The following SMYD3 variants were observed in gnomAD, a reference collection of about 807,000 sequenced individuals.
SMYD3 encodes the protein histone-lysine N-methyltransferase SMYD3.
SMYD3 carries 36 observed loss-of-function variants against 57.7 expected under a neutral mutation model. The ratio of observed to expected loss-of-function variants is 0.62; its 90% CI spans 0.48 to 0.82. The LOEUF (loss-of-function observed/expected upper bound fraction) is 0.82, where lower values mean the gene tolerates loss of function less well. Among genes scored for constraint, SMYD3 ranks in the 40% least tolerant of loss-of-function variants. The pLI, the probability that SMYD3 is intolerant of heterozygous loss-of-function variation, is 0.00. For synonymous variants in SMYD3, 211 were observed against 195.0 expected (o/e 1.08, Z -0.68); for missense variants, 515 against 538.8 (o/e 0.96, Z 0.44).
intron 5 of SMYD3, among the ~76,000 whole-genome samples, chr1:246,222,324 C>T (rs12120256): frequency 0.18 from 27,015 of 152,016 alleles, 2,788 homozygotes; most frequent in East Asian, 0.34. Context: ...GGTATTATTA[C>T]GGACTTTATT....
intron 1 of SMYD3, among the ~76,000 whole-genome samples, chr1:246,429,779 T>C (rs2067273032): frequency 6.6e-6 from 1 of 152,000 alleles, no homozygotes; most frequent in Admixed American, 6.6e-5. Context: ...CTCAAGGATA[T>C]GACTGGCAAG....
chr1:246,359,767 AT>A (rs1373983553), intron 1 of SMYD3, among the ~76,000 whole-genome samples: 1 of 152,204 alleles, frequency 6.6e-6, no homozygotes, highest in Non-Finnish European at 1.5e-5. Flanking sequence ...GCATTCCTTT[AT>A]GATTAAAACC....
intron 5 of SMYD3, among the ~76,000 whole-genome samples, chr1:246,151,796 G>A (rs180707436): frequency 4.6e-4 from 70 of 152,274 alleles, no homozygotes; most frequent in Non-Finnish European, 6.8e-4. Context: ...GGATTCAGGC[G>A]TATGTAGGCC....
At chr1:246,236,446 A>G (rs10802363) in intron 5 of SMYD3, among the ~76,000 whole-genome samples, 40,389 of 151,490 alleles carry the variant, frequency 0.27, 6,042 homozygotes, top group East Asian at 0.58. Context: ...ATGGAGTCTC[A>G]CTCTGTCGCC....
At chr1:246,120,436 G>A (rs974251946) in intron 5 of SMYD3, among the ~76,000 whole-genome samples, 1 of 151,992 alleles carries the variant, frequency 6.6e-6, no homozygotes, top group East Asian at 1.9e-4. Flanking sequence ...CTCAAGGGTC[G>A]CTTCCCGTAT....
At chr1:245,752,343 G>GC (rs1242421356) in intron 11 of SMYD3, among the ~76,000 whole-genome samples, 2 of 152,180 alleles carry the variant, frequency 1.3e-5, no homozygotes, top group Non-Finnish European at 2.9e-5. Context: ...CCCTCGGCTG[G>GC]GTGAGGGCCT....
chr1:246,001,002 TAAG>T (rs1323358674), intron 5 of SMYD3, among the ~76,000 whole-genome samples: 1 of 152,216 alleles, frequency 6.6e-6, no homozygotes, highest in Non-Finnish European at 1.5e-5. Flanking sequence ...TCTGTGATGG[TAAG>T]AAGAAGCCCA....
intron 5 of SMYD3, among the ~76,000 whole-genome samples, chr1:246,017,944 T>C (rs1371758255): frequency 6.6e-6 from 1 of 152,228 alleles, no homozygotes; most frequent in East Asian, 1.9e-4. Context: ...TCCTCATCTT[T>C]GGACATTTCC....
At chr1:246,393,288 A>C (rs1160146955) in intron 1 of SMYD3, among the ~76,000 whole-genome samples, 3 of 152,222 alleles carry the variant, frequency 2.0e-5, no homozygotes, top group African/African-American at 4.8e-5. Flanking sequence ...AAACTAACTT[A>C]AAAAATGTTT....
At chr1:245,852,434 A>G (rs1477978493) in intron 10 of SMYD3, among the ~76,000 whole-genome samples, 2 of 152,362 alleles carry the variant, frequency 1.3e-5, no homozygotes, top group African/African-American at 4.8e-5. Context: ...AAGTCAAGGT[A>G]CTTTAGAGGA....
chr1:245,844,890 G>T (rs904873858), intron 10 of SMYD3, among the ~76,000 whole-genome samples: 7 of 152,032 alleles, frequency 4.6e-5, no homozygotes, highest in African/African-American at 1.7e-4. Flanking sequence ...GGACCCATTT[G>T]AAGTTATATT....
intron 5 of SMYD3, among the ~76,000 whole-genome samples, chr1:246,071,995 C>G (rs558886471): frequency 3.5e-5 from 3 of 86,110 alleles, no homozygotes; most frequent in African/African-American, 1.3e-4. Flanking sequence ...ACTGTGCTCA[C>G]TGTGGATGCA....
chr1:245,945,836 A>G (rs2057411823), intron 5 of SMYD3, among the ~76,000 whole-genome samples: 1 of 152,196 alleles, frequency 6.6e-6, no homozygotes, highest in Admixed American at 6.5e-5. Flanking sequence ...CTGGAAGTCA[A>G]TATCCTCAGC....
intron 8 of SMYD3, among the ~76,000 whole-genome samples, chr1:245,884,336 G>A (rs1044230195): frequency 1.3e-5 from 2 of 152,134 alleles, no homozygotes; most frequent in Non-Finnish European, 2.9e-5. Flanking sequence ...TTTTGAGAAC[G>A]GAGGTTTAAT....
chr1:246,000,814 C>T (rs967559134), intron 5 of SMYD3, among the ~76,000 whole-genome samples: 5 of 152,182 alleles, frequency 3.3e-5, no homozygotes, highest in African/African-American at 7.2e-5. Context: ...AGACAGAGAA[C>T]GTATCTAACA....
rs143383377 is a variant in SMYD3, at chr1:246,275,745, T to A, written c.531+51456A>T. Among the ~76,000 whole-genome samples the A allele has an allele frequency of 9.9e-3, 1,496 of 151,432 alleles. 8 individuals carry two copies. Among genetic ancestry groups the A allele is most frequent in the Non-Finnish European group, 0.015 (1,046 of 67,852 alleles). ...AAGTTATTTAATGTCTCTAGTGGAG[T>A]CTGATGCCCATGTTTGAATACTAAC... On this transcript the variant is annotated intron_variant, in intron 5 of 11. Coordinates refer to ENST00000490107, the MANE Select transcript of SMYD3 (RefSeq NM_001167740.2).
chr1:246,479,067 C>A lies in SMYD3; in HGVS notation c.164+27987G>T, dbSNP rs567496530. ...TAAGTGCTCATATATGCACACCTGT[C>A]CTCTGTCCTGGAGCTGGTACATAAG... On this transcript the variant is annotated intron_variant, in intron 1 of 11. Transcript: ENST00000490107. Among the ~76,000 whole-genome samples, 4 of 151,452 alleles carry A rather than the reference C, an allele frequency of 2.6e-5. No homozygotes were observed. In the East Asian group the frequency reaches 7.8e-4, roughly 29 times the overall value.
chr1:246,382,836 G>A (rs2066411952), intron 1 of SMYD3, among the ~76,000 whole-genome samples: 1 of 152,106 alleles, frequency 6.6e-6, no homozygotes, highest in South Asian at 2.1e-4. Context: ...CAGGCACCCA[G>A]ACAATCCTAG....
At chr1:246,182,458 G>A (rs1485097621) in intron 5 of SMYD3, among the ~76,000 whole-genome samples, 1 of 152,134 alleles carries the variant, frequency 6.6e-6, no homozygotes, top group Non-Finnish European at 1.5e-5. Flanking sequence ...AGGACAACTG[G>A]AGACTGAAGT....
Sources: allele counts gnomAD v4.1 joint callset (sites outside exome capture counted in the v4.1 genomes callset), GRCh38; gene constraint gnomAD v4.1.1; transcripts MANE v1.5; gene names NCBI Gene and HGNC (gene_info 2026-07-23, HGNC 2026-07-21).